DIS3L2: variants seen among roughly 807,000 people sequenced by gnomAD.
The protein encoded by DIS3L2 is DIS3 like 3'-5' exoribonuclease 2.
Under a neutral mutation model 97.5 loss-of-function variants are expected in DIS3L2, and 34 were observed. That is an observed-to-expected ratio of 0.35 (90% CI 0.27 to 0.46). DIS3L2 has a LOEUF of 0.46. DIS3L2 is among the 20% of genes least tolerant of loss of function. The probability of loss-of-function intolerance (pLI) is 1.00; values close to 1 mark genes in which losing one functional copy is unlikely to be tolerated. For missense variants in DIS3L2, 1,038 were observed against 1,146.0 expected (o/e 0.91, Z 1.36); for synonymous variants, 435 against 445.2 (o/e 0.98, Z 0.29).
At chr2:232,023,764 A>C (rs906861021) in intron 3 of DIS3L2, among the ~76,000 whole-genome samples, 2 of 152,196 alleles carry the variant, frequency 1.3e-5, no homozygotes, top group Non-Finnish European at 2.9e-5. Flanking sequence ...TCAGCTCTGC[A>C]GAGGGGCCAG....
intron 16 of DIS3L2, 49 bp downstream of exon 16, chr2:232,330,825 C>T: frequency 6.4e-7 from 1 of 1,566,472 alleles, no homozygotes; most frequent in Non-Finnish European, 8.7e-7. Context: ...AGCACACTAG[C>T]CCCAGACCTG....
intron 14 of DIS3L2, among the ~76,000 whole-genome samples, chr2:232,308,094 A>G (rs777117158): frequency 6.6e-5 from 10 of 152,222 alleles, no homozygotes; most frequent in Non-Finnish European, 1.3e-4. Context: ...CTGACTTGTC[A>G]TCAGAGTTCT....
chr2:232,015,420 C>T, intron 2 of DIS3L2, 94 bp from the exon 3 acceptor site: 1 of 1,491,352 alleles, frequency 6.7e-7, no homozygotes, highest in Non-Finnish European at 9.0e-7. Flanking sequence ...TTGTTGGTCT[C>T]TTTAAATAAT....
chr2:232,211,441 C>T (rs1692188585), intron 10 of DIS3L2, among the ~76,000 whole-genome samples: 1 of 152,198 alleles, frequency 6.6e-6, no homozygotes, highest in Admixed American at 6.5e-5. Flanking sequence ...CCACCATGCC[C>T]AGCACCCCCA....
At chr2:232,254,751 T>C (rs1035472989) in intron 12 of DIS3L2, among the ~76,000 whole-genome samples, 4 of 152,116 alleles carry the variant, frequency 2.6e-5, no homozygotes, top group African/African-American at 9.7e-5. Flanking sequence ...GGGGTTTCTG[T>C]TGGAGGTAGT....
chr2:232,117,091 C>T (rs1006578234), intron 6 of DIS3L2, among the ~76,000 whole-genome samples: 1 of 152,192 alleles, frequency 6.6e-6, no homozygotes, highest in Non-Finnish European at 1.5e-5. Context: ...TGCTTCTGCA[C>T]TTTAGACTAC....
intron 6 of DIS3L2, among the ~76,000 whole-genome samples, chr2:232,121,807 G>A (rs376086655): frequency 3.3e-5 from 5 of 152,104 alleles, no homozygotes; most frequent in African/African-American, 1.2e-4. Flanking sequence ...AAGGAAATCA[G>A]GCAGTCTTTC....
At chr2:232,055,175 G>A (rs1695512210) in intron 5 of DIS3L2, among the ~76,000 whole-genome samples, 1 of 152,126 alleles carries the variant, frequency 6.6e-6, no homozygotes, top group African/African-American at 2.4e-5. Context: ...TCTGATAATG[G>A]GAATGAAGCG....
chr2:232,043,393 A>C (rs933702511), intron 5 of DIS3L2, among the ~76,000 whole-genome samples: 7 of 152,200 alleles, frequency 4.6e-5, no homozygotes, highest in Admixed American at 2.0e-4. Context: ...AGGACCAGGA[A>C]GTGCAATCCT....
chr2:232,289,274 A>G (rs541401761), intron 13 of DIS3L2, among the ~76,000 whole-genome samples: 7 of 150,482 alleles, frequency 4.7e-5, no homozygotes, highest in African/African-American at 1.5e-4. Flanking sequence ...AGACTTGTCC[A>G]GGCCTTGCCC....
At chr2:232,190,640 AAGAG>A (rs901136718) in intron 9 of DIS3L2, among the ~76,000 whole-genome samples, 23 of 151,990 alleles carry the variant, frequency 1.5e-4, no homozygotes, top group African/African-American at 4.4e-4. Context: ...AAGAGAAAGA[AAGAG>A]AGAAAGAAAG....
chr2:232,114,348 T>C (rs566699613), intron 6 of DIS3L2, among the ~76,000 whole-genome samples: 16 of 152,084 alleles, frequency 1.1e-4, no homozygotes, highest in African/African-American at 3.9e-4. Flanking sequence ...AGATCTGATA[T>C]AGGACTTAGG....
intron 14 of DIS3L2, among the ~76,000 whole-genome samples, chr2:232,305,369 C>T (rs534982514): frequency 2.0e-5 from 3 of 152,292 alleles, no homozygotes; most frequent in South Asian, 4.1e-4. Flanking sequence ...TGAGCCACCA[C>T]GCCTGTCCTC....
chr2:232,129,430 A>G (rs908522779), intron 6 of DIS3L2, among the ~76,000 whole-genome samples: 2 of 152,214 alleles, frequency 1.3e-5, no homozygotes, highest in African/African-American at 4.8e-5. Flanking sequence ...ATCCTGAATT[A>G]TGGGTTTAAA....
chr2:232,312,738 C>T (rs1395138681), intron 14 of DIS3L2, among the ~76,000 whole-genome samples: 1 of 152,130 alleles, frequency 6.6e-6, no homozygotes, highest in Non-Finnish European at 1.5e-5. Context: ...AACATGGTAC[C>T]TCCCTCTATT....
intron 16 of DIS3L2, among the ~76,000 whole-genome samples, chr2:232,332,915 C>T (rs577485701): frequency 5.9e-5 from 9 of 152,160 alleles, no homozygotes; most frequent in Admixed American, 2.0e-4. Context: ...GCCTGAGGCC[C>T]GTATTGCACA....
In DIS3L2 at chr2:232,238,581, C is replaced by A. The variant is rs752820747; in HGVS notation, c.1253C>A (p.Pro418Gln). 1 of 1,614,154 alleles carries A rather than the reference C, an allele frequency of 6.2e-7. No individual in the cohort carries two copies. Among genetic ancestry groups the A allele is most frequent in the Non-Finnish European group, 8.5e-7 (1 of 1,180,020 alleles). ...ATTGCTGACGTGAGTTACTTTGTTC[C>A]GGAGGGATCTGATCTGGATAAAGTG... is the stretch of plus-strand genomic sequence containing the variant. ...VHIADVSYFVPEGSDLDKVAA... is the reference protein window; with the variant it reads ...VHIADVSYFVQEGSDLDKVAA... The change falls in exon 11 of 21, where the codon CCG (proline) becomes CAG (glutamine). Residue 418 changes from proline to glutamine, a missense_variant. Transcript: ENST00000325385.
intron 14 of DIS3L2, among the ~76,000 whole-genome samples, chr2:232,327,495 C>T (rs1254300964): frequency 3.3e-5 from 5 of 152,224 alleles, no homozygotes; most frequent in African/African-American, 9.6e-5. Context: ...GGCAAAAGTA[C>T]GCATGATTGT....
At chr2:232,035,689 A>G (rs1169784043) in intron 5 of DIS3L2, among the ~76,000 whole-genome samples, 1 of 152,156 alleles carries the variant, frequency 6.6e-6, no homozygotes. Context: ...CTTGTAAGGC[A>G]AGCCTGGTGC....
Sources: gnomAD v4.1 joint callset for allele counts (sites outside exome capture counted in the v4.1 genomes callset) on GRCh38, gnomAD v4.1.1 for gene constraint, MANE v1.5 for transcripts, NCBI Gene and HGNC (gene_info 2026-07-23, HGNC 2026-07-21) for gene names.